Variants in SGSM1 observed in about 807,000 individuals in gnomAD.
SGSM1 encodes the protein RUN and TBC1 domain containing 2.
A neutral mutation model predicts 133.8 loss-of-function variants in SGSM1; 73 were observed. That is an observed-to-expected ratio of 0.55 (90% CI 0.45 to 0.66). The LOEUF (loss-of-function observed/expected upper bound fraction) is 0.66, where lower values mean the gene tolerates loss of function less well. SGSM1 is among the 30% of genes least tolerant of loss of function. The pLI is 0.00. For synonymous variants in SGSM1, 563 were observed against 573.0 expected (o/e 0.98, Z 0.25); for missense variants, 1,213 against 1,448.1 (o/e 0.84, Z 2.64).
intron 8 of SGSM1, among the ~76,000 whole-genome samples, chr22:24,858,593 G>A (rs1930941905): frequency 6.9e-6 from 1 of 145,776 alleles, no homozygotes; most frequent in Non-Finnish European, 1.5e-5. Flanking sequence ...CCGAGATCGC[G>A]CCGCTGTCCT....
At chr22:24,808,695 G>C (rs540012360) in intron 2 of SGSM1, among the ~76,000 whole-genome samples, 1 of 152,306 alleles carries the variant, frequency 6.6e-6, no homozygotes, top group South Asian at 2.1e-4. Context: ...ATCTTCCTCA[G>C]TTTCCTGCGC....
In SGSM1 at chr22:24,851,146, T is replaced by G. The variant is rs1601921418; in HGVS notation, c.455+714T>G. Among the ~76,000 whole-genome samples, 6 of 151,962 alleles carry G rather than the reference T, an allele frequency of 3.9e-5. No homozygotes were observed. The East Asian group carries it at 1.2e-3, about 29-fold the overall frequency. On this transcript the variant is annotated intron_variant, in intron 5 of 24. Coordinates refer to ENST00000400358, the MANE Select transcript of SGSM1 (RefSeq NM_001098497.3). ...AAAAAAAGAAAATGCATGGTGAGCC[T>G]TTTTAACGTTTTCTCCACTAGTTTA...
At chr22:24,836,216 C>A (rs922713626) in intron 2 of SGSM1, among the ~76,000 whole-genome samples, 1 of 152,104 alleles carries the variant, frequency 6.6e-6, no homozygotes, top group Non-Finnish European at 1.5e-5. Context: ...TGTTATTTTG[C>A]GTCTAGATTA....
In SGSM1 at chr22:24,919,899, C is replaced by T. The variant is rs565596406; in HGVS notation, c.3099C>T (p.Tyr1033=). 146 of 1,614,062 alleles carry T rather than the reference C, an allele frequency of 9.0e-5. 1 individual carries two copies. Among genetic ancestry groups the T allele is most frequent in the Middle Eastern group, 6.6e-4 (4 of 6,062 alleles). ...CCAAACACGTCTCCTCTGCGCACTACGTCCTGTTCATTGCGCTGGCTCTGG... is the reference window on the plus strand; with the variant it reads ...CCAAACACGTCTCCTCTGCGCACTATGTCCTGTTCATTGCGCTGGCTCTGG... ...WAAKHVSSAH[Y]VLFIALALVE... Residue 1033 remains tyrosine, a synonymous_variant, in exon 24 of 25, where the codon TAC becomes TAT. Transcript: ENST00000400358.
chr22:24,866,391 C>A (rs554271602), intron 9 of SGSM1, among the ~76,000 whole-genome samples: 2 of 152,292 alleles, frequency 1.3e-5, no homozygotes, highest in Admixed American at 1.3e-4. Flanking sequence ...GAGAGGCTAT[C>A]CTGACTCCTG....
At chr22:24,893,282 C>T (rs1321288822) in intron 16 of SGSM1, 149 bp from the exon 17 acceptor site, 7 of 772,850 alleles carry the variant, frequency 9.1e-6, no homozygotes, top group Non-Finnish European at 1.4e-5. Context: ...CAGTGCTAGG[C>T]ATAGCATAGT....
In SGSM1 at chr22:24,924,177, C is replaced by T. The variant is rs1934111067; in HGVS notation, c.3194-9C>T. The T allele has an allele frequency of 1.2e-6, 2 of 1,613,632 alleles. No individual in the cohort carries two copies. Among genetic ancestry groups the T allele is most frequent in the Admixed American group, 1.7e-5 (1 of 59,990 alleles). On this transcript the variant is annotated splice_polypyrimidine_tract_variant and intron_variant, in intron 24 of 24. Transcript: ENST00000400358. The stretch of plus-strand genomic sequence containing the variant: ...GAGGCTCATGAGATTTTTCTTTCTG[C>T]TCTTTCAGAAATGGCTGAGCGACAC...
intron 19 of SGSM1, among the ~76,000 whole-genome samples, 195 bp downstream of exon 19, chr22:24,898,754 A>G (rs1331366985): frequency 6.6e-6 from 1 of 152,156 alleles, no homozygotes; most frequent in Non-Finnish European, 1.5e-5. Flanking sequence ...GGGGCTGGGC[A>G]CTGTGGCTCA....
intron 9 of SGSM1, among the ~76,000 whole-genome samples, chr22:24,864,274 A>C (rs1601935561): frequency 6.6e-6 from 1 of 152,192 alleles, no homozygotes; most frequent in East Asian, 1.9e-4. Context: ...AGTTTCTTGT[A>C]ACATCCCCTT....
chr22:24,823,781 G>A (rs756289883), intron 2 of SGSM1, among the ~76,000 whole-genome samples: 5 of 151,792 alleles, frequency 3.3e-5, no homozygotes, highest in South Asian at 2.1e-4. Context: ...AAGGTGGTGC[G>A]TACCTATAGT....
intron 12 of SGSM1, among the ~76,000 whole-genome samples, chr22:24,874,010 G>A (rs1931894537): frequency 1.3e-5 from 2 of 152,170 alleles, no homozygotes; most frequent in Admixed American, 1.3e-4. Context: ...GACAGCAGTT[G>A]TTAGTGGAAA....
intron 21 of SGSM1, among the ~76,000 whole-genome samples, chr22:24,910,212 C>T (rs1933567857): frequency 6.6e-6 from 1 of 151,952 alleles, no homozygotes; most frequent in African/African-American, 2.4e-5. Context: ...GAAGTTGCTG[C>T]TTCATTGATA....
intron 2 of SGSM1, among the ~76,000 whole-genome samples, chr22:24,811,732 TGTG>T (rs1927753346): frequency 6.6e-6 from 1 of 151,502 alleles, no homozygotes; most frequent in East Asian, 1.9e-4. Flanking sequence ...AGCCAGGCAT[TGTG>T]GTGCATGCCT....
chr22:24,815,220 G>C (rs989810288), intron 2 of SGSM1, among the ~76,000 whole-genome samples: 1 of 152,220 alleles, frequency 6.6e-6, no homozygotes, highest in African/African-American at 2.4e-5. Context: ...CTGAGGTCCT[G>C]AGAGTTCAAG....
rs1267059259 is a variant in SGSM1, at chr22:24,831,281, T to C, written c.64-13616T>C. ...GGCAGAGGGAGAAGTCGGGCCATGA[T>C]GCAGCCTCAGGGGAAGCCTCGGCCA... On this transcript the variant is annotated intron_variant, in intron 2 of 24. Transcript: ENST00000400358. Among the ~76,000 whole-genome samples the C allele has an allele frequency of 1.4e-4, 21 of 151,846 alleles. 1 individual carries two copies. Among genetic ancestry groups the C allele is most frequent in the Admixed American group, 1.4e-3 (21 of 15,216 alleles).
rs1390678907 is a variant in SGSM1 at position 24,855,569 on chromosome 22, T to C, written c.690T>C (p.Ser230=). ...ACCAGATCCAGAAGAGGCATTCCAG[T>C]GGCAGCATGGATGACCGGCCATCCC... ...PALCIQKRHS[S]GSMDDRPSLS... is the part of the protein sequence containing the mutation. Residue 230 remains serine (S), a synonymous_variant, in exon 8 of 25, where the codon AGT becomes AGC. Coordinates refer to ENST00000400358, the MANE Select transcript of SGSM1 (RefSeq NM_001098497.3). 2 of 1,613,818 alleles carry C rather than the reference T, an allele frequency of 1.2e-6. No homozygotes were observed. The highest frequency in any genetic ancestry group is 2.2e-5 in the South Asian group (2 of 91,074).
intron 2 of SGSM1, chr22:24,843,894 C>T (rs569798189): frequency 1.3e-5 from 2 of 152,268 alleles, no homozygotes; most frequent in South Asian, 4.1e-4. Context: ...AGCTCTGCCT[C>T]CCTGGGTAAG....
At position 24,917,747 on chromosome 22, in the gene SGSM1, C is replaced by T. The variant is rs764211540; in HGVS notation, c.3018C>T (p.Phe1006=). ...GCTACCGCTGGTTCCTGCTGGATTTCAAGCGAGGTACAGACTTTAAATTGG... is the reference window on the plus strand; with the variant it reads ...GCTACCGCTGGTTCCTGCTGGATTTTAAGCGAGGTACAGACTTTAAATTGG... The part of the protein sequence containing the change: ...YFCYRWFLLD[F]KRELVYDDVF... Residue 1006 remains phenylalanine, a synonymous_variant, in exon 23 of 25, where the codon TTC becomes TTT. Coordinates refer to ENST00000400358, the MANE Select transcript of SGSM1 (RefSeq NM_001098497.3). The T allele has an allele frequency of 3.1e-5, 50 of 1,613,524 alleles. No homozygotes were observed. Among genetic ancestry groups the T allele is most frequent in the Non-Finnish European group, 4.0e-5 (47 of 1,179,736 alleles).
intron 3 of SGSM1, 46 bp from the exon 4 acceptor site, chr22:24,847,588 G>C: frequency 6.3e-7 from 1 of 1,595,676 alleles, no homozygotes; most frequent in Non-Finnish European, 8.6e-7. Flanking sequence ...CTGGGTGCTG[G>C]AGTGCATGGG....
Sources: gnomAD v4.1 joint callset for allele counts (sites outside exome capture counted in the v4.1 genomes callset) on GRCh38, gnomAD v4.1.1 for gene constraint, MANE v1.5 for transcripts, NCBI Gene and HGNC (gene_info 2026-07-23, HGNC 2026-07-21) for gene names.